MACROH2A2: variants seen among roughly 807,000 people sequenced by gnomAD.
MACROH2A2 encodes the protein core histone macro-H2A.2.
Under a neutral mutation model 37.6 loss-of-function variants are expected in MACROH2A2, and 6 were observed. The observed-to-expected ratio is 0.16, with a 90% CI of 0.09 to 0.32. MACROH2A2 has a LOEUF of 0.32. Among genes scored for constraint, MACROH2A2 ranks in the 10% least tolerant of loss-of-function variants. The pLI is 1.00. For missense variants in MACROH2A2, 290 were observed against 485.9 expected (o/e 0.60, Z 3.79); for synonymous variants, 192 against 202.7 (o/e 0.95, Z 0.45).
rs184620618 is a variant in MACROH2A2 at position 70,102,501 on chromosome 10, G to A, written c.778+2204G>A. Among the ~76,000 whole-genome samples, 1,073 of 152,232 alleles carry A rather than the reference G, an allele frequency of 7.0e-3. 13 individuals are homozygous for A. The highest frequency in any genetic ancestry group is 0.024 in the African/African-American group (1,009 of 41,536). The stretch of plus-strand genomic sequence containing the variant: ...TGGGAGGCTGAGGCAGGCGGATCAC[G>A]AGGACAGGAGTTCAAGACCGGTTTG... On this transcript the variant is annotated intron_variant, in intron 7 of 8. Coordinates refer to ENST00000373255, the MANE Select transcript of MACROH2A2 (RefSeq NM_018649.3).
rs1468332448 is a variant in MACROH2A2 at position 70,075,867 on chromosome 10, G to C, written c.172+37G>C. On this transcript the variant is annotated intron_variant, in intron 2 of 8. Coordinates refer to ENST00000373255, the MANE Select transcript of MACROH2A2 (RefSeq NM_018649.3). This position sits in a 1 kb window ranked among gnomAD's most constrained non-coding sequence, Gnocchi z 5.0. Reference sequence around the variant, plus strand: ...ACGCAAAGGAGGCTGCCTGCTCCCAGGTCCCCACCCTCCCCTGGGTCCCCC... The same window carrying C: ...ACGCAAAGGAGGCTGCCTGCTCCCACGTCCCCACCCTCCCCTGGGTCCCCC... 6.3e-7 allele frequency: 1 copy of C among 1,574,882 alleles called. No individual in the cohort carries two copies. Among genetic ancestry groups the C allele is most frequent in the African/African-American group, 1.3e-5 (1 of 74,256 alleles).
chr10:70,095,593 A>G (rs1355020983), intron 5 of MACROH2A2, 61 bp from the exon 6 acceptor site: 5 of 827,870 alleles, frequency 6.0e-6, no homozygotes, highest in East Asian at 4.9e-5. Context: ...CAAGTAAAAT[A>G]TGAGATTTTT....
Position 70,091,940 on chromosome 10 carries a change from C to T in MACROH2A2, c.463C>T (p.Arg155Trp), listed in dbSNP as rs1444413897. Residue 155 changes from arginine to tryptophan, a missense_variant, in exon 4 of 9, where the codon CGG becomes TGG. Around this residue, in one of 3 missense-constraint regions of MACROH2A2, gnomAD observed 77 missense variants for 68.9 expected, o/e 1.12. Coordinates refer to ENST00000373255, the MANE Select transcript of MACROH2A2 (RefSeq NM_018649.3). ...GAAGAAATCCAAGGCTGCCAAACCA[C>T]GGACGTCCAAAAAGGTAGGCCGAGG... ...GGKKSKAAKP[R>W]TSKKSKPKDS... 3.1e-6 allele frequency: 5 copies of T among 1,613,424 alleles called. No homozygotes were observed. Among genetic ancestry groups the T allele is most frequent in the South Asian group, 1.1e-5 (1 of 91,048 alleles).
At chr10:70,086,867 T>A (rs2072215042) in intron 2 of MACROH2A2, among the ~76,000 whole-genome samples, 1 of 152,078 alleles carries the variant, frequency 6.6e-6, no homozygotes, top group Non-Finnish European at 1.5e-5. Context: ...CTGTGCACAA[T>A]GGAGAGCTGC....
At position 70,070,999 on chromosome 10, in the gene MACROH2A2, A is replaced by ATGTG. The variant is rs60976509; in HGVS notation, c.-59-4588_-59-4585dup. Among the ~76,000 whole-genome samples the ATGTG allele has an allele frequency of 6.6e-3, 986 of 148,996 alleles. 9 individuals are homozygous for ATGTG. Among genetic ancestry groups the ATGTG allele is most frequent in the African/African-American group, 0.023 (919 of 40,532 alleles). On this transcript the variant is annotated intron_variant, in intron 1 of 8. Transcript: ENST00000373255. ...TGTGTGTGTGTCTGTGTGCATGTGC[A>ATGTG]TGTGTGTGTGTGTGTGAGCGCGTGC...
In MACROH2A2 at chr10:70,109,146, C is replaced by T. The variant is rs2072354917; in HGVS notation, c.892C>T (p.Leu298=). ...EQLEETIKNC[L]SAAEDKKLKS... ...GCTTGAAGAGACCATCAAAAACTGC[C>T]TGTCAGCGGCGGAGGACAAGAAGCT... Residue 298 remains leucine, a synonymous_variant, in exon 8 of 9, where the codon CTG becomes TTG. Transcript: ENST00000373255. 4 of 1,614,062 alleles carry T rather than the reference C, an allele frequency of 2.5e-6. No homozygotes were observed. Among genetic ancestry groups the T allele is most frequent in the Non-Finnish European group, 3.4e-6 (4 of 1,179,992 alleles).
intron 2 of MACROH2A2, among the ~76,000 whole-genome samples, chr10:70,082,416 CAA>C (rs540113997): frequency 0.25 from 30,017 of 120,698 alleles, 3,371 homozygotes; most frequent in African/African-American, 0.35. Flanking sequence ...GAAACTGTGT[CAA>C]AAAAAAAAAA....
At chr10:70,108,934 C>T (rs753147212) in intron 7 of MACROH2A2, 99 bp from the exon 8 acceptor site, 47 of 1,066,392 alleles carry the variant, frequency 4.4e-5, no homozygotes, top group Non-Finnish European at 6.2e-5. Context: ...GTCTCTATCA[C>T]TGCCTTATCT....
chr10:70,066,861 G>A (rs528656360), intron 1 of MACROH2A2, among the ~76,000 whole-genome samples: 1 of 152,112 alleles, frequency 6.6e-6, no homozygotes, highest in Non-Finnish European at 1.5e-5. Flanking sequence ...CTGCCTTCTT[G>A]TTTCAGCTCA....
chr10:70,093,112 C>T (rs1046044365), intron 4 of MACROH2A2, among the ~76,000 whole-genome samples: 13 of 151,966 alleles, frequency 8.6e-5, no homozygotes, highest in African/African-American at 1.9e-4. Flanking sequence ...TGGGCTCAAG[C>T]GACCCTCCTG....
At chr10:70,062,761 T>C (rs528518265) in intron 1 of MACROH2A2, among the ~76,000 whole-genome samples, 1 of 152,230 alleles carries the variant, frequency 6.6e-6, no homozygotes, top group Non-Finnish European at 1.5e-5. Context: ...AGCTTGACTG[T>C]AGAAAAAAAT....
chr10:70,106,508 T>C (rs2072338469), intron 7 of MACROH2A2, among the ~76,000 whole-genome samples: 1 of 152,204 alleles, frequency 6.6e-6, no homozygotes, highest in African/African-American at 2.4e-5. Flanking sequence ...ATATTCCTTT[T>C]ATTTAAAAAT....
At position 70,100,222 on chromosome 10, in the gene MACROH2A2, A is replaced by G. The variant is rs769340625; in HGVS notation, c.703A>G (p.Lys235Glu). 1.9e-6 allele frequency: 3 copies of G among 1,605,618 alleles called. No homozygotes were observed. Among genetic ancestry groups the G allele is most frequent in the Non-Finnish European group, 2.6e-6 (3 of 1,172,628 alleles). Residue 235 changes from lysine (K) to glutamate (E), a missense_variant, in exon 7 of 9, where the codon AAG (lysine) becomes GAG (glutamate). By Grantham distance (56) the Lys-to-Glu change is moderately conservative (BLOSUM62 1). Coordinates refer to ENST00000373255, the MANE Select transcript of MACROH2A2 (RefSeq NM_018649.3). ...CTCCTTTGCAGGTAAAGCCTTGGAA[A>G]AGGCTGGGGGAAAAGAGTTCTTGGA... ...LKEDIGKALE[K>E]AGGKEFLETV...
chr10:70,080,651 G>A (rs1477564937), intron 2 of MACROH2A2, among the ~76,000 whole-genome samples: 2 of 151,888 alleles, frequency 1.3e-5, no homozygotes, highest in East Asian at 1.9e-4. Context: ...GGAGATCAAG[G>A]CGAGTGGATC....
At chr10:70,065,013 T>G (rs1589830916) in intron 1 of MACROH2A2, among the ~76,000 whole-genome samples, 1 of 150,686 alleles carries the variant, frequency 6.6e-6, no homozygotes, top group South Asian at 2.1e-4. Flanking sequence ...ATCAATCTTG[T>G]CCTTCATTCT....
intron 5 of MACROH2A2, among the ~76,000 whole-genome samples, chr10:70,094,167 A>G (rs79142093): frequency 0.054 from 8,184 of 152,316 alleles, 339 homozygotes; most frequent in African/African-American, 0.11. Flanking sequence ...TGCCAAAAAA[A>G]AAATCCATAG....
At chr10:70,060,598 G>A (rs2072044792) in intron 1 of MACROH2A2, among the ~76,000 whole-genome samples, 1 of 152,088 alleles carries the variant, frequency 6.6e-6, no homozygotes, top group South Asian at 2.1e-4. Flanking sequence ...CCTGCTGTCT[G>A]GTACTGGAAC....
chr10:70,071,136 T>C (rs1171002761), intron 1 of MACROH2A2, among the ~76,000 whole-genome samples: 1 of 152,134 alleles, frequency 6.6e-6, no homozygotes, highest in East Asian at 1.9e-4. Flanking sequence ...GTGGTGTTTG[T>C]ACTTCATGCA....
intron 2 of MACROH2A2, among the ~76,000 whole-genome samples, chr10:70,088,167 A>C (rs938789868): frequency 6.6e-6 from 1 of 151,446 alleles, no homozygotes; most frequent in Non-Finnish European, 1.5e-5. Context: ...ACATTCACGC[A>C]CACACACGCA....
Sources: gnomAD v4.1 joint callset for allele counts (sites outside exome capture counted in the v4.1 genomes callset) on GRCh38, gnomAD v4.1.1 for gene constraint, gnomAD v4.1.1 regional missense constraint, Gnocchi (gnomAD v3.1) non-coding constraint, MANE v1.5 for transcripts, NCBI Gene and HGNC (gene_info 2026-07-23, HGNC 2026-07-21) for gene names.